The following LARGE1 variants were observed in gnomAD, a reference collection of about 807,000 sequenced individuals.
LARGE1 encodes LARGE xylosyl- and glucuronyltransferase 1.
Under a neutral mutation model 87.6 loss-of-function variants are expected in LARGE1, and 43 were observed. The ratio of observed to expected loss-of-function variants is 0.49; its 90% CI spans 0.38 to 0.63. The LOEUF is 0.63. Ranked by LOEUF, LARGE1 falls within the 30% of genes least tolerant of loss-of-function variation. The probability of loss-of-function intolerance (pLI) is 0.00; values close to 1 mark genes in which losing one functional copy is unlikely to be tolerated. For missense variants in LARGE1, 802 were observed against 1,000.2 expected (o/e 0.80, Z 2.67); for synonymous variants, 434 against 394.6 (o/e 1.10, Z -1.18).
At chr22:33,671,620 G>A (rs1603078841) in intron 2 of LARGE1, among the ~76,000 whole-genome samples, 1 of 152,146 alleles carries the variant, frequency 6.6e-6, no homozygotes, top group Non-Finnish European at 1.5e-5. Flanking sequence ...GCTATGAAGA[G>A]AAAGAGCTAT....
intron 6 of LARGE1, among the ~76,000 whole-genome samples, chr22:33,511,948 G>C (rs1381775399): frequency 1.3e-5 from 2 of 152,164 alleles, no homozygotes; most frequent in Non-Finnish European, 2.9e-5. Flanking sequence ...TATTGTACCT[G>C]AGGCCCAGGA....
intron 6 of LARGE1, among the ~76,000 whole-genome samples, chr22:33,440,781 T>C (rs543477452): frequency 1.3e-5 from 2 of 152,166 alleles, no homozygotes; most frequent in Admixed American, 6.5e-5. Flanking sequence ...CCGAATAGAC[T>C]GAAAAGGAGA....
chr22:33,467,104 G>A (rs777512832), intron 6 of LARGE1, among the ~76,000 whole-genome samples: 2 of 152,210 alleles, frequency 1.3e-5, no homozygotes, highest in Non-Finnish European at 2.9e-5. Context: ...GAATGATATT[G>A]TTTCAACTGT....
intron 9 of LARGE1, among the ~76,000 whole-genome samples, chr22:33,351,207 C>T (rs1310912163): frequency 1.3e-5 from 2 of 152,218 alleles, no homozygotes; most frequent in Admixed American, 6.5e-5. Flanking sequence ...CTAAGCTCTA[C>T]CTACTGGCTG....
chr22:33,549,942 C>T (rs574643181), intron 6 of LARGE1, among the ~76,000 whole-genome samples: 23 of 152,234 alleles, frequency 1.5e-4, no homozygotes, highest in East Asian at 7.7e-4. Context: ...CCTTTGTTTA[C>T]GGCTGCATAG....
At position 33,230,004 on chromosome 22, in the gene LARGE1, C is replaced by CTTT. The variant is rs557120175; in HGVS notation, c.1731-63175_1731-63173dup. Among the ~76,000 whole-genome samples the CTTT allele has an allele frequency of 4.2e-4, 34 of 81,162 alleles. 2 individuals carry two copies. The highest frequency in any genetic ancestry group is 5.8e-4 in the Non-Finnish European group (24 of 41,054). The allele number at this position is 81,162 out of a possible 152,430, so 53.2% of individuals were successfully genotyped here. The stretch of plus-strand genomic sequence containing the variant: ...GACATTTTCAAACATTTTCAAAGTT[C>CTTT]TTTTTTTTTTTTTTTTTTTTTTTTT... On this transcript the variant is annotated intron_variant, in intron 11 of 11. Coordinates refer to the LARGE1 transcript ENST00000608642.
the LARGE1 span, among the ~76,000 whole-genome samples, chr22:33,134,582 C>T: frequency 1.3e-5 from 2 of 152,080 alleles, no homozygotes; most frequent in African/African-American, 2.4e-5. Flanking sequence ...TTTCCACATT[C>T]TATGTTTTAG....
At chr22:33,888,595 G>A (rs530129995) in intron 1 of LARGE1, among the ~76,000 whole-genome samples, 4 of 152,220 alleles carry the variant, frequency 2.6e-5, no homozygotes, top group Admixed American at 6.5e-5. Context: ...GTGGCTCACC[G>A]CTGTAATCCC....
At chr22:33,335,015 T>C (rs1308164297) in intron 10 of LARGE1, among the ~76,000 whole-genome samples, 1 of 152,162 alleles carries the variant, frequency 6.6e-6, no homozygotes, top group East Asian at 1.9e-4. Flanking sequence ...TCATTTCTTA[T>C]AACACTGAGC....
intron 1 of LARGE1, among the ~76,000 whole-genome samples, chr22:33,863,595 A>C (rs1601805478): frequency 7.5e-6 from 1 of 133,180 alleles, no homozygotes; most frequent in African/African-American, 2.9e-5. Flanking sequence ...CGTCTCTACC[A>C]AAAAAAAAAA....
chr22:33,455,286 C>T (rs956863453), intron 6 of LARGE1, among the ~76,000 whole-genome samples: 18 of 152,220 alleles, frequency 1.2e-4, no homozygotes, highest in Admixed American at 7.2e-4. Context: ...CTGCTGTTTC[C>T]ACCACCTGGG....
intron 4 of LARGE1, among the ~76,000 whole-genome samples, chr22:33,615,020 A>C (rs182377230): frequency 2.5e-4 from 38 of 152,272 alleles, no homozygotes; most frequent in African/African-American, 7.5e-4. Flanking sequence ...GTTAGACACC[A>C]CAGTTCTGAG....
intron 2 of LARGE1, among the ~76,000 whole-genome samples, chr22:33,723,311 T>C (rs2083165545): frequency 6.6e-6 from 1 of 152,178 alleles, no homozygotes; most frequent in African/African-American, 2.4e-5. Context: ...GTTCACGGTG[T>C]AAAGAGCACA....
chr22:33,920,392 G>C lies in LARGE1; in HGVS notation c.-480C>G, dbSNP rs886057469. ...CGTCCCTTCAGGGCAGGGCCTGCCC[G>C]CGAACAGCCCGGCGAGACGAGCGCG... On this transcript the variant is annotated 5_prime_UTR_variant, in exon 1 of 15. Transcript: ENST00000397394. 1 of 151,040 alleles carries C rather than the reference G, an allele frequency of 6.6e-6. No homozygotes were observed. The highest frequency in any genetic ancestry group is 1.5e-5 in the Non-Finnish European group (1 of 67,736). 9.4% of individuals were successfully genotyped at this position (151,040 alleles called of 1,614,324 possible). A position where few individuals can be genotyped will look rare whatever the true frequency, so the allele number is the denominator to read the frequency against.
chr22:33,151,731 T>G, the LARGE1 span, among the ~76,000 whole-genome samples: 1 of 152,240 alleles, frequency 6.6e-6, no homozygotes. Context: ...TCTGCTAATA[T>G]GATTGATTTT....
intron 11 of LARGE1, among the ~76,000 whole-genome samples, chr22:33,229,738 C>T (rs560716725): frequency 9.2e-5 from 14 of 151,842 alleles, no homozygotes; most frequent in African/African-American, 2.4e-4. Flanking sequence ...CAATATTTGG[C>T]GAGACAATGG....
At chr22:33,503,962 A>G (rs899984374) in intron 6 of LARGE1, among the ~76,000 whole-genome samples, 5 of 152,216 alleles carry the variant, frequency 3.3e-5, no homozygotes, top group South Asian at 2.1e-4. Context: ...AATTCCATAC[A>G]TGGTATGATG....
chr22:33,530,032 G>A (rs182085034), intron 6 of LARGE1, among the ~76,000 whole-genome samples: 3 of 152,176 alleles, frequency 2.0e-5, no homozygotes, highest in African/African-American at 4.8e-5. Flanking sequence ...TACTAGCAGC[G>A]ATAGGGTCTA....
At chr22:33,154,011 T>G in the LARGE1 span, among the ~76,000 whole-genome samples, 1 of 152,178 alleles carries the variant, frequency 6.6e-6, no homozygotes, top group East Asian at 1.9e-4. Flanking sequence ...CTTCTTATCC[T>G]CTTCTGCCAA....
Sources: allele counts gnomAD v4.1 joint callset (sites outside exome capture counted in the v4.1 genomes callset), GRCh38; gene constraint gnomAD v4.1.1; transcripts MANE v1.5; gene names NCBI Gene and HGNC (gene_info 2026-07-23, HGNC 2026-07-21).